PRKCE: variants seen among roughly 807,000 people sequenced by gnomAD.
PRKCE encodes the protein protein kinase C epsilon.
In PRKCE, 16 loss-of-function variants were observed where a neutral mutation model predicts 85.4. That is an observed-to-expected ratio of 0.19 (90% confidence interval 0.13 to 0.28). PRKCE has a LOEUF of 0.28. PRKCE is among the 10% of genes least tolerant of loss of function. The probability of loss-of-function intolerance (pLI) is 1.00; values close to 1 mark genes in which losing one functional copy is unlikely to be tolerated. For synonymous variants in PRKCE, 388 were observed against 371.5 expected, an observed-to-expected ratio of 1.04 and a Z score of -0.51; for missense variants, 573 against 975.2, an observed-to-expected ratio of 0.59 and a Z score of 5.49.
At chr2:45,985,669 G>A (rs1423274062) in intron 6 of PRKCE, among the ~76,000 whole-genome samples, 1 of 152,174 alleles carries the variant, frequency 6.6e-6, no homozygotes, top group Non-Finnish European at 1.5e-5. Context: ...GGAATGAAGA[G>A]GAGAATGACT....
At chr2:45,765,743 C>G (rs759964917) in intron 1 of PRKCE, among the ~76,000 whole-genome samples, 2 of 152,198 alleles carry the variant, frequency 1.3e-5, no homozygotes, top group African/African-American at 2.4e-5. Flanking sequence ...ATGAGACCAC[C>G]CAGTGGGATC....
chr2:45,995,215 C>G (rs1336059867), intron 6 of PRKCE, among the ~76,000 whole-genome samples: 1 of 152,028 alleles, frequency 6.6e-6, no homozygotes, highest in Non-Finnish European at 1.5e-5. Context: ...TTTGTAAATA[C>G]TTTCTCCCAG....
chr2:45,954,168 T>C (rs1032952278), intron 2 of PRKCE, among the ~76,000 whole-genome samples: 8 of 152,222 alleles, frequency 5.3e-5, no homozygotes, highest in African/African-American at 1.9e-4. Flanking sequence ...TGTGTGGCCC[T>C]AGTGAATCTT....
At position 46,152,275 on chromosome 2, in the gene PRKCE, A is replaced by G. The variant is rs61759991; in HGVS notation, c.1920+1046A>G. On this transcript the variant is annotated intron_variant, in intron 13 of 14. Coordinates refer to ENST00000306156, the MANE Select transcript of PRKCE (RefSeq NM_005400.3). ...TGGCTCACTGCAATCTCCTCCTCCC[A>G]GGTTCAAGTGATTCTCCTGCCTCAG... 5.8e-3 allele frequency among the ~76,000 whole-genome samples: 880 copies of G among 151,318 alleles called. 8 individuals are homozygous for G. Among genetic ancestry groups the G allele is most frequent in the African/African-American group, 0.02 (837 of 41,162 alleles).
intron 1 of PRKCE, among the ~76,000 whole-genome samples, chr2:45,807,847 T>G (rs1688359582): frequency 6.7e-6 from 1 of 148,706 alleles, no homozygotes; most frequent in Non-Finnish European, 1.5e-5. Context: ...GTTTGATAGC[T>G]CCAGCCCCTG....
chr2:46,107,178 A>AACC (rs953753538), intron 11 of PRKCE, among the ~76,000 whole-genome samples: 1 of 152,174 alleles, frequency 6.6e-6, no homozygotes, highest in African/African-American at 2.4e-5. Flanking sequence ...AACCCCTGAT[A>AACC]ACCACTTACC....
At chr2:45,983,138 T>A (rs1471045580) in intron 5 of PRKCE, among the ~76,000 whole-genome samples, 1 of 152,212 alleles carries the variant, frequency 6.6e-6, no homozygotes, top group African/African-American at 2.4e-5. Context: ...CCTCAAGTGG[T>A]AGACCATCCA....
chr2:45,669,115 A>G (rs1198240703), intron 1 of PRKCE, among the ~76,000 whole-genome samples: 1 of 152,118 alleles, frequency 6.6e-6, no homozygotes, highest in Non-Finnish European at 1.5e-5. Flanking sequence ...ACACAAGAGA[A>G]CGTGTCTCTT....
At chr2:46,047,517 G>A (rs1357274689) in intron 10 of PRKCE, among the ~76,000 whole-genome samples, 2 of 152,278 alleles carry the variant, frequency 1.3e-5, no homozygotes, top group East Asian at 3.9e-4. Flanking sequence ...GTGGAAGGAG[G>A]CCTTTACTTG....
chr2:46,086,097 G>A, intron 10 of PRKCE, 111 bp from the exon 11 acceptor site: 2 of 1,156,420 alleles, frequency 1.7e-6, no homozygotes, highest in Non-Finnish European at 2.5e-6. Context: ...CCACCTTTGA[G>A]GCTTCTTCCC....
At chr2:45,942,920 G>GAA (rs1260346069) in intron 2 of PRKCE, among the ~76,000 whole-genome samples, 2 of 152,086 alleles carry the variant, frequency 1.3e-5, no homozygotes, top group African/African-American at 4.8e-5. Flanking sequence ...AAGTATAAAA[G>GAA]AAAAGTTGTC....
In PRKCE at chr2:45,976,428, G is replaced by C. The variant is rs1351107650; in HGVS notation, c.413-1G>C. ...TCTTCCCTGCTCTTGTCCTTCCCCA[G>C]CCCCTAAAGACAATGAAGAGCGTGT... On this transcript the variant is annotated splice_acceptor_variant, in intron 2 of 14. Transcript: ENST00000306156. LOFTEE classifies it high-confidence loss of function. 2.5e-6 allele frequency: 4 copies of C among 1,599,326 alleles called. No homozygotes were observed. The highest frequency in any genetic ancestry group is 1.1e-5 in the South Asian group (1 of 91,064).
In PRKCE at chr2:45,652,963, G is replaced by C. The variant is rs1305403561; in HGVS notation, c.348+515G>C. Among the ~76,000 whole-genome samples the C allele has an allele frequency of 5.9e-5, 9 of 152,050 alleles. No individual in the cohort carries two copies. The highest frequency in any genetic ancestry group is 8.8e-5 in the Non-Finnish European group (6 of 68,010). ...TTTCTATTCTCTTGCATGGTGGTTAGCTCATCTTCTGACATACAAGTAGAA... is the reference window on the plus strand; with the variant it reads ...TTTCTATTCTCTTGCATGGTGGTTACCTCATCTTCTGACATACAAGTAGAA... On this transcript the variant is annotated intron_variant, in intron 1 of 14. Transcript: ENST00000306156. The surrounding 1 kb of genome is among the most constrained non-coding windows in gnomAD (Gnocchi z 7.7).
intron 2 of PRKCE, among the ~76,000 whole-genome samples, chr2:45,888,187 G>C (rs144578402): frequency 1.0e-3 from 154 of 152,308 alleles, no homozygotes; most frequent in African/African-American, 3.5e-3. Flanking sequence ...GGCAAAAGGC[G>C]CTGGGTTTGT....
intron 10 of PRKCE, chr2:46,010,860 C>T (rs908576118): frequency 6.6e-7 from 1 of 1,519,000 alleles, no homozygotes; most frequent in Admixed American, 2.1e-5. Context: ...AATCAAATCA[C>T]TTAACTTCTA....
intron 11 of PRKCE, among the ~76,000 whole-genome samples, chr2:46,100,762 G>C (rs1331208028): frequency 6.6e-6 from 1 of 152,214 alleles, no homozygotes; most frequent in African/African-American, 2.4e-5. Context: ...CATTTTTGCT[G>C]TGCCAGGTAT....
intron 1 of PRKCE, among the ~76,000 whole-genome samples, chr2:45,794,847 C>CA (rs1021783853): frequency 1.4e-5 from 1 of 72,062 alleles, no homozygotes. Flanking sequence ...ATTGCCCTAC[C>CA]CCCCCCCCCA....
At chr2:46,085,653 T>C (rs752616814) in intron 10 of PRKCE, among the ~76,000 whole-genome samples, 11 of 120,530 alleles carry the variant, frequency 9.1e-5, no homozygotes, top group Non-Finnish European at 1.7e-4. Context: ...AGGACACTTA[T>C]GATTGTATTT....
chr2:46,127,916 T>C (rs745562368), intron 11 of PRKCE, among the ~76,000 whole-genome samples: 3 of 152,154 alleles, frequency 2.0e-5, no homozygotes, highest in Non-Finnish European at 4.4e-5. Context: ...GAAAACACAG[T>C]GGGTCAGCTC....
Sources: gnomAD v4.1 joint callset for allele counts (sites outside exome capture counted in the v4.1 genomes callset) on GRCh38, gnomAD v4.1.1 for gene constraint, Gnocchi (gnomAD v3.1) non-coding constraint, MANE v1.5 for transcripts, NCBI Gene and HGNC (gene_info 2026-07-23, HGNC 2026-07-21) for gene names.